VPS39: variants seen among roughly 807,000 people sequenced by gnomAD.
VPS39 encodes vam6/Vps39-like protein.
In VPS39, 70 loss-of-function variants were observed where a neutral mutation model predicts 121.0. That is an observed-to-expected ratio of 0.58 (90% CI 0.48 to 0.71). The LOEUF (loss-of-function observed/expected upper bound fraction) is 0.71, where lower values mean the gene tolerates loss of function less well. Ranked by LOEUF, VPS39 falls within the 30% of genes least tolerant of loss-of-function variation. The pLI, the probability that VPS39 is intolerant of heterozygous loss-of-function variation, is 0.00. For missense variants in VPS39, 818 were observed against 1,051.5 expected (o/e 0.78, Z 3.07); for synonymous variants, 378 against 398.1 (o/e 0.95, Z 0.60).
At chr15:42,183,807 T>C (rs965223233) in intron 8 of VPS39, among the ~76,000 whole-genome samples, 8 of 152,114 alleles carry the variant, frequency 5.3e-5, no homozygotes, top group Admixed American at 4.6e-4. Context: ...GTAACCCTTG[T>C]CTCCAGAGAC....
chr15:42,161,937 G>T (rs2049135647), intron 23 of VPS39, 95 bp downstream of exon 23: 3 of 1,598,258 alleles, frequency 1.9e-6, no homozygotes, highest in Non-Finnish European at 2.6e-6. Flanking sequence ...GAGCTGCACT[G>T]TACAGGCTCT....
At chr15:42,184,830 A>C in intron 7 of VPS39, 130 bp from the exon 8 acceptor site, 1 of 889,898 alleles carries the variant, frequency 1.1e-6, no homozygotes, top group Non-Finnish European at 1.7e-6. Flanking sequence ...AAAATGTTAC[A>C]GAGTTTATTA....
intron 1 of VPS39, among the ~76,000 whole-genome samples, chr15:42,201,116 T>C (rs1176767894): frequency 6.6e-6 from 1 of 152,200 alleles, no homozygotes; most frequent in African/African-American, 2.4e-5. Flanking sequence ...TAAAATTTAT[T>C]GTGCTGATAG....
At chr15:42,165,677 T>C in intron 17 of VPS39, 41 bp downstream of exon 17, 2 of 1,549,836 alleles carry the variant, frequency 1.3e-6, no homozygotes. Context: ...TCCTGGATCC[T>C]GGGTTTAAAG....
chr15:42,179,618 T>C (rs1283680546), intron 8 of VPS39, among the ~76,000 whole-genome samples: 2 of 113,060 alleles, frequency 1.8e-5, no homozygotes, highest in Admixed American at 9.1e-5. Flanking sequence ...AATAAATAAA[T>C]AAATAAAATA....
chr15:42,187,357 A>C lies in VPS39; in HGVS notation c.448T>G (p.Phe150Val), dbSNP rs892841293. Residue 150 changes from phenylalanine (F) to valine (V), a missense_variant, in exon 7 of 25, where the codon TTT becomes GTT. Transcript: ENST00000318006. ...GACTTGGGCACATCTGGCACACTAA[A>C]GTCCCCCTGAAAAAAGAGAGCAAGG... ...DREFHELQGDFSVPDVPKSMA... is the reference protein window; with the variant it reads ...DREFHELQGDVSVPDVPKSMA... 2.5e-6 allele frequency: 4 copies of C among 1,603,520 alleles called. No individual in the cohort carries two copies. The highest frequency in any genetic ancestry group is 1.3e-5 in the African/African-American group (1 of 74,130).
In VPS39 at chr15:42,163,386, G is replaced by C; in HGVS notation, c.2139C>G (p.His713Gln). 2 of 1,614,198 alleles carry C rather than the reference G, an allele frequency of 1.2e-6. No individual in the cohort carries two copies. The highest frequency in any genetic ancestry group is 4.5e-5 in the East Asian group (2 of 44,886). ...CATCTTTGTTTCGGTCATAGTGTTT[G>C]TGGCAGTACCTGCAAGGGAGAGAGT... ...KDTRMAEEYCHKHYDRNKDGN... is the reference protein window; with the variant it reads ...KDTRMAEEYCQKHYDRNKDGN... Residue 713 changes from histidine to glutamine, a missense_variant, in exon 21 of 25, where the codon CAC becomes CAG. Coordinates refer to ENST00000318006, the MANE Select transcript of VPS39 (RefSeq NM_015289.5).
rs773338079 is a variant in VPS39 at position 42,161,691 on chromosome 15, ATCT to A, written c.2540_2542del (p.Lys847del). The A allele has an allele frequency of 3.7e-6, 6 of 1,614,172 alleles. No homozygotes were observed. Among genetic ancestry groups the A allele is most frequent in the East Asian group, 4.5e-5 (2 of 44,884 alleles). On this transcript the variant is annotated inframe_deletion, in exon 24 of 25. Coordinates refer to ENST00000318006, the MANE Select transcript of VPS39 (RefSeq NM_015289.5). Reference sequence around the variant, plus strand: ...TGTGAAGGAGGCTCACCTGTTCCCAATCTTCTTCTTACACACCATGCACACCTT... The same window carrying A: ...TGTGAAGGAGGCTCACCTGTTCCCAATCTTCTTACACACCATGCACACCTT...
In VPS39 at chr15:42,170,741, A is replaced by ATTTTTTTT. The variant is rs869280235; in HGVS notation, c.1091-883_1091-876dup. On this transcript the variant is annotated intron_variant, in intron 11 of 24. Transcript: ENST00000318006. ...ATGGTGTTCTCACAGATGCTCGCAGATTTTTTTTTTTTTTTTTTTTTTTTT... is the reference window on the plus strand; with the variant it reads ...ATGGTGTTCTCACAGATGCTCGCAGATTTTTTTTTTTTTTTTTTTTTTTTTTTTTTTTT... Among the ~76,000 whole-genome samples the ATTTTTTTT allele has an allele frequency of 1.6e-3, 82 of 50,484 alleles. 23 individuals are homozygous for ATTTTTTTT. Among genetic ancestry groups the ATTTTTTTT allele is most frequent in the Non-Finnish European group, 2.2e-3 (63 of 28,632 alleles). 33.1% of individuals were successfully genotyped at this position (50,484 alleles called of 152,430 possible).
chr15:42,187,180 A>T, intron 7 of VPS39, 91 bp downstream of exon 7: 1 of 938,356 alleles, frequency 1.1e-6, no homozygotes, highest in Non-Finnish European at 1.6e-6. Context: ...CAAAAGCTCT[A>T]CTTAAAGTGG....
In VPS39 at chr15:42,178,194, A is replaced by G. The variant is rs2049496187; in HGVS notation, c.960+24T>C. The G allele has an allele frequency of 1.9e-6, 3 of 1,613,614 alleles. No homozygotes were observed. In the East Asian group the frequency reaches 6.7e-5, roughly 36 times the overall value. ...TACTTTCAAGAACAATAAGGAAGGA[A>G]GACTAGTCAGGAACAAGACTTACTG... On this transcript the variant is annotated intron_variant, in intron 10 of 24. Coordinates refer to ENST00000318006, the MANE Select transcript of VPS39 (RefSeq NM_015289.5).
chr15:42,186,268 CAAAAATACAAAAAAAAA>C (rs1050399423), intron 7 of VPS39, among the ~76,000 whole-genome samples: 3 of 126,228 alleles, frequency 2.4e-5, no homozygotes, highest in African/African-American at 3.9e-5. Context: ...CCCATCTCTA[CAAAAATACAAAAAAAAA>C]AAAAATACAA....
At chr15:42,191,258 G>A (rs1030054712) in intron 3 of VPS39, 91 bp from the exon 4 acceptor site, 18 of 1,450,116 alleles carry the variant, frequency 1.2e-5, no homozygotes, top group Admixed American at 3.6e-5. Context: ...AAGGGACCAC[G>A]GAGCCTATCC....
Position 42,186,993 on chromosome 15 carries a change from C to A in VPS39, c.534+278G>T, listed in dbSNP as rs530475615. On this transcript the variant is annotated intron_variant, in intron 7 of 24. Transcript: ENST00000318006. ...TAGCAGTCCATGATGATCCACTGGACAGAGGCAAACAGCCTTCATTATCTG... is the reference window on the plus strand; with the variant it reads ...TAGCAGTCCATGATGATCCACTGGAAAGAGGCAAACAGCCTTCATTATCTG... Among the ~76,000 whole-genome samples the A allele has an allele frequency of 3.3e-5, 5 of 152,298 alleles. No homozygotes were observed. In the South Asian group the frequency reaches 1.0e-3, roughly 32 times the overall value.
chr15:42,188,247 T>A (rs1252918005), intron 5 of VPS39, among the ~76,000 whole-genome samples: 1 of 152,208 alleles, frequency 6.6e-6, no homozygotes, highest in African/African-American at 2.4e-5. Flanking sequence ...CAAGCCCACT[T>A]TTAAGCCTTT....
chr15:42,207,679 C>A (rs2050203825), intron 1 of VPS39, among the ~76,000 whole-genome samples: 1 of 152,196 alleles, frequency 6.6e-6, no homozygotes, highest in Admixed American at 6.5e-5. Flanking sequence ...GGTTGACTTT[C>A]ATCTAGAAAA....
At chr15:42,166,399 G>A (rs2049243130) in intron 15 of VPS39, among the ~76,000 whole-genome samples, 164 bp downstream of exon 15, 1 of 152,174 alleles carries the variant, frequency 6.6e-6, no homozygotes, top group Admixed American at 6.5e-5. Context: ...CCAGGGGGCT[G>A]TCACAGGCCA....
intron 2 of VPS39, among the ~76,000 whole-genome samples, chr15:42,193,247 T>C (rs994533743): frequency 2.0e-5 from 3 of 152,182 alleles, no homozygotes; most frequent in South Asian, 4.1e-4. Context: ...TAAAAACATA[T>C]ATGTATTTAA....
chr15:42,206,434 GA>G (rs1484979250), intron 1 of VPS39, among the ~76,000 whole-genome samples: 4 of 152,180 alleles, frequency 2.6e-5, no homozygotes, highest in African/African-American at 9.7e-5. Flanking sequence ...GGTGATCAAG[GA>G]AGGCCAAAAG....
Sources: gnomAD v4.1 joint callset for allele counts (sites outside exome capture counted in the v4.1 genomes callset) on GRCh38, gnomAD v4.1.1 for gene constraint, MANE v1.5 for transcripts, NCBI Gene and HGNC (gene_info 2026-07-23, HGNC 2026-07-21) for gene names.